ZFP92: variants seen among roughly 807,000 people sequenced by gnomAD.
ZFP92 encodes zinc finger protein 92 homolog.
A neutral mutation model predicts 7.6 loss-of-function variants in ZFP92; 2 were observed. The observed-to-expected ratio is 0.26, with a 90% CI of 0.11 to 0.83. The LOEUF (loss-of-function observed/expected upper bound fraction) is 0.83. Among genes scored for constraint, ZFP92 ranks in the 40% least tolerant of loss-of-function variants. The pLI is 0.65. For synonymous variants in ZFP92, 226 were observed against 183.6 expected (o/e 1.23, Z -1.87); for missense variants, 324 against 408.3 (o/e 0.79, Z 1.78).
intron 2 of ZFP92, among the ~76,000 whole-genome samples, chrX:153,417,597 AT>A (rs2088963395): frequency 8.9e-6 from 1 of 112,063 alleles, no homozygotes; most frequent in Non-Finnish European, 1.9e-5. Flanking sequence ...CGCTGGCCAC[AT>A]GGGGAGAGAG....
chrX:153,421,115 C>A lies in ZFP92; in HGVS notation c.738C>A (p.Arg246=). ...GCGGCGACTGCGGCAAACTGTTCCG[C>A]CGCAGCTTCGCGCTCCTGGAGCACG... The part of the protein sequence containing the change: ...FACGDCGKLF[R]RSFALLEHAR... Residue 246 remains arginine, a synonymous_variant, in exon 6 of 6, where the codon CGC becomes CGA. Transcript: ENST00000338647. The A allele has an allele frequency of 8.5e-7, 1 of 1,175,804 alleles. No individual in the cohort carries two copies. The highest frequency in any genetic ancestry group is 3.2e-5 in the East Asian group (1 of 31,726).
Position 153,425,818 on chromosome X carries a change from G to A in ZFP92, c.*4190G>A, listed in dbSNP as rs1166032135. On this transcript the variant is annotated 3_prime_UTR_variant, in exon 6 of 6. Coordinates refer to ENST00000338647, the MANE Select transcript of ZFP92 (RefSeq NM_001136273.2). ...AAAACGGGGGTCCTCCAGGAGTTCTGGACAGCTGCTCTGCAGATTCTTATA... is the reference window on the plus strand; with the variant it reads ...AAAACGGGGGTCCTCCAGGAGTTCTAGACAGCTGCTCTGCAGATTCTTATA... The A allele has an allele frequency of 9.0e-6, 1 of 111,017 alleles. No homozygotes were observed. Among genetic ancestry groups the A allele is most frequent in the Non-Finnish European group, 1.9e-5 (1 of 52,949 alleles). The allele number at this position is 111,017 out of a possible 1,213,427, so 9.1% of individuals were successfully genotyped here.
rs1214417099 is a variant in ZFP92 at position 153,418,360 on chromosome X, G to C, written c.33+5G>C. The C allele has an allele frequency of 1.7e-6, 2 of 1,165,344 alleles. No homozygotes were observed. Among genetic ancestry groups the C allele is most frequent in the Non-Finnish European group, 2.3e-6 (2 of 872,386 alleles). The stretch of plus-strand genomic sequence containing the variant: ...CTCCTGACCACGAGACCCAAGGTGA[G>C]TGGTGGCCCCTCTCCCTGGCCTCTC... On this transcript the variant is annotated splice_donor_5th_base_variant and intron_variant, in intron 3 of 5. Transcript: ENST00000338647.
chrX:153,420,577 C>T, intron 5 of ZFP92, 66 bp from the exon 6 acceptor site: 1 of 1,098,180 alleles, frequency 9.1e-7, no homozygotes, highest in African/African-American at 1.9e-5. Flanking sequence ...TATGTTCTCA[C>T]CTCCTGCTCG....
chrX:153,420,369 T>A (rs12009770), intron 5 of ZFP92, 37 bp downstream of exon 5: 1 of 1,085,489 alleles, frequency 9.2e-7, no homozygotes, highest in Non-Finnish European at 1.2e-6. Context: ...CCCATCGGGG[T>A]AAAAAGAAAT....
chrX:153,421,517 G>A lies in ZFP92; in HGVS notation c.1140G>A (p.Thr380=). The A allele has an allele frequency of 5.3e-6, 6 of 1,136,359 alleles. No homozygotes were observed. Among genetic ancestry groups the A allele is most frequent in the Non-Finnish European group, 6.9e-6 (6 of 863,909 alleles). 93.6% of individuals were successfully genotyped at this position (1,136,359 alleles called of 1,213,427 possible). A position where few individuals can be genotyped will look rare whatever the true frequency, so the allele number is the denominator to read the frequency against. The change falls in exon 6 of 6, where the codon ACG becomes ACA. Residue 380 remains threonine (T), a synonymous_variant. Coordinates refer to ENST00000338647, the MANE Select transcript of ZFP92 (RefSeq NM_001136273.2). ...HGARRPAKAE[T]ARRLAGPGST... ...CCAGGCGCCCTGCGAAGGCGGAGAC[G>A]GCGCGGAGGCTAGCGGGCCCTGGGA...
intron 2 of ZFP92, among the ~76,000 whole-genome samples, chrX:153,414,422 G>A (rs1013132833): frequency 9.0e-6 from 1 of 111,533 alleles, no homozygotes; most frequent in Non-Finnish European, 1.9e-5. Context: ...ATCACGGCTC[G>A]CTGCAACCTC....
chrX:153,426,230 AGATT>A lies in ZFP92; in HGVS notation c.*4603_*4606del, dbSNP rs2089042295. ...CCACTGCTTGGCTTGCTGTCACTATAGATTAATTCCCATTTTCTAGAATTCCATA... is the reference window on the plus strand; with the variant it reads ...CCACTGCTTGGCTTGCTGTCACTATAAATTCCCATTTTCTAGAATTCCATA... On this transcript the variant is annotated 3_prime_UTR_variant, in exon 6 of 6. Coordinates refer to ENST00000338647, the MANE Select transcript of ZFP92 (RefSeq NM_001136273.2). 1.8e-5 allele frequency: 2 copies of A among 110,348 alleles called. No individual in the cohort carries two copies. The highest frequency in any genetic ancestry group is 3.3e-5 in the African/African-American group (1 of 30,338). The allele number at this position is 110,348 out of a possible 1,213,427, so 9.1% of individuals were successfully genotyped here. A position where few individuals can be genotyped will look rare whatever the true frequency, so the allele number is the denominator to read the frequency against.
At chrX:153,413,802 G>A (rs987394418) in intron 2 of ZFP92, among the ~76,000 whole-genome samples, 3 of 112,443 alleles carry the variant, frequency 2.7e-5, no homozygotes, top group Non-Finnish European at 3.8e-5. Flanking sequence ...AGGGTTTGTC[G>A]TGTCTTTCTT....
chrX:153,420,621 G>C (rs1406299486), intron 5 of ZFP92, 22 bp from the exon 6 acceptor site: 5 of 1,103,484 alleles, frequency 4.5e-6, no homozygotes, highest in Non-Finnish European at 5.9e-6. Flanking sequence ...GGGTGACACT[G>C]CCTGGTGCTC....
intron 2 of ZFP92, among the ~76,000 whole-genome samples, chrX:153,412,857 C>G (rs1569529378): frequency 8.9e-6 from 1 of 112,225 alleles, no homozygotes. Flanking sequence ...TTAGAAGGAT[C>G]CCTCAGCGAG....
intron 2 of ZFP92, among the ~76,000 whole-genome samples, chrX:153,412,632 G>C (rs1330772603): frequency 8.9e-6 from 1 of 111,838 alleles, no homozygotes; most frequent in Non-Finnish European, 1.9e-5. Flanking sequence ...TATGGTTTTG[G>C]AAGAGCATTC....
intron 2 of ZFP92, among the ~76,000 whole-genome samples, chrX:153,413,133 G>A (rs1264122711): frequency 1.8e-5 from 2 of 110,973 alleles, no homozygotes; most frequent in Non-Finnish European, 3.8e-5. Flanking sequence ...CCCCCAGGAC[G>A]GAAGAAACCC....
At chrX:153,418,452 G>A in intron 3 of ZFP92, 97 bp downstream of exon 3, 1 of 1,066,760 alleles carries the variant, frequency 9.4e-7, no homozygotes, top group Non-Finnish European at 1.3e-6. Flanking sequence ...AGCTTAGGCT[G>A]CCCTTAGCAT....
Position 153,421,792 on chromosome X carries a change from C to T in ZFP92, c.*164C>T. 1 of 644,186 alleles carries T rather than the reference C, an allele frequency of 1.6e-6. No individual in the cohort carries two copies. The allele number at this position is 644,186 out of a possible 1,213,427, so 53.1% of individuals were successfully genotyped here. On this transcript the variant is annotated 3_prime_UTR_variant, in exon 6 of 6. Transcript: ENST00000338647. ...TCAGAAGACCCCAGGCAGAGCCTCA[C>T]CCTGAGGCTGAGAAACGCAGGAAGG...
intron 5 of ZFP92, 56 bp from the exon 6 acceptor site, chrX:153,420,587 G>C (rs2088990217): frequency 1.8e-6 from 2 of 1,098,875 alleles, no homozygotes; most frequent in East Asian, 6.6e-5. Context: ...CCTCCTGCTC[G>C]TTCATCTCTC....
chrX:153,415,458 AT>A (rs2088943678), intron 2 of ZFP92, among the ~76,000 whole-genome samples: 1 of 111,858 alleles, frequency 8.9e-6, no homozygotes, highest in Non-Finnish European at 1.9e-5. Flanking sequence ...ATACTTTTCC[AT>A]TGTATATATA....
In ZFP92 at chrX:153,421,325, C is replaced by T. The variant is rs1556975087; in HGVS notation, c.948C>T (p.Gly316=). 8 of 1,168,659 alleles carry T rather than the reference C, an allele frequency of 6.8e-6. No individual in the cohort carries two copies. In the South Asian group the frequency reaches 1.3e-4, roughly 19 times the overall value. Residue 316 remains glycine (G), a synonymous_variant, in exon 6 of 6, where the codon GGC becomes GGT. Coordinates refer to ENST00000338647, the MANE Select transcript of ZFP92 (RefSeq NM_001136273.2). ...QLIHHQRSHS[G]ERPFACRECG... ...TCCACCACCAGCGCAGCCACAGCGG[C>T]GAGCGGCCCTTCGCGTGCCGCGAGT...
In ZFP92 at chrX:153,418,416, A is replaced by G. The variant is rs1309193666; in HGVS notation, c.33+61A>G. 9 of 1,135,640 alleles carry G rather than the reference A, an allele frequency of 7.9e-6. No individual in the cohort carries two copies. The East Asian group carries it at 2.6e-4, about 33-fold the overall frequency. The allele number at this position is 1,135,640 out of a possible 1,213,427, so 93.6% of individuals were successfully genotyped here. ...GGCAGCCCCCGTCTGCTGCCTCCTC[A>G]TGCCCAGGCCTCTCCAGCTGGGCTG... is the stretch of plus-strand genomic sequence containing the variant. On this transcript the variant is annotated intron_variant, in intron 3 of 5. Coordinates refer to ENST00000338647, the MANE Select transcript of ZFP92 (RefSeq NM_001136273.2).
Sources: gnomAD v4.1 joint callset for allele counts (sites outside exome capture counted in the v4.1 genomes callset) on GRCh38, gnomAD v4.1.1 for gene constraint, MANE v1.5 for transcripts, NCBI Gene and HGNC (gene_info 2026-07-23, HGNC 2026-07-21) for gene names.